The following AFAP1L1 variants were observed in gnomAD, a reference collection of about 807,000 sequenced individuals.
AFAP1L1 encodes actin filament-associated protein 1-like 1.
In AFAP1L1, 77 loss-of-function variants were observed where a neutral mutation model predicts 99.8. That is an observed-to-expected ratio of 0.77 (90% CI 0.64 to 0.93). The LOEUF (loss-of-function observed/expected upper bound fraction) is 0.93, where lower values mean the gene tolerates loss of function less well. Among genes scored for constraint, AFAP1L1 ranks in the 40% least tolerant of loss-of-function variants. AFAP1L1 has a pLI of 0.00. For missense variants in AFAP1L1, 893 were observed against 996.8 expected (o/e 0.90, Z 1.40); for synonymous variants, 373 against 395.3 (o/e 0.94, Z 0.67).
intron 5 of AFAP1L1, 66 bp from the exon 6 acceptor site, chr5:149,306,240 C>G: frequency 2.1e-6 from 3 of 1,406,810 alleles, no homozygotes; most frequent in Non-Finnish European, 2.9e-6. Flanking sequence ...CAGGGTCTCC[C>G]CCAGTCCTGG....
At chr5:149,319,555 A>G in intron 12 of AFAP1L1, 27 bp from the exon 13 acceptor site, 2 of 1,571,916 alleles carry the variant, frequency 1.3e-6, no homozygotes, top group African/African-American at 2.7e-5. Flanking sequence ...AGGAAAATGA[A>G]CTCCATCTTT....
At position 149,340,427 on chromosome 5, in the gene AFAP1L1, T is replaced by G. The variant is rs1757529338; in HGVS notation, c.*397T>G. On this transcript the variant is annotated 3_prime_UTR_variant, in exon 19 of 19. Transcript: ENST00000296721. ...TCCTTAAGGCAAAGGGAGGCAGTGCTGAAGCATTGGTGGTGCAGTGTAAAG... is the reference window on the plus strand; with the variant it reads ...TCCTTAAGGCAAAGGGAGGCAGTGCGGAAGCATTGGTGGTGCAGTGTAAAG... The G allele has an allele frequency of 5.3e-6, 1 of 189,706 alleles. No individual in the cohort carries two copies. Among genetic ancestry groups the G allele is most frequent in the Non-Finnish European group, 1.1e-5 (1 of 89,398 alleles). The allele number at this position is 189,706 out of a possible 1,614,324, so 11.8% of individuals were successfully genotyped here. A position where few individuals can be genotyped will look rare whatever the true frequency, so the allele number is the denominator to read the frequency against.
intron 5 of AFAP1L1, among the ~76,000 whole-genome samples, chr5:149,305,931 A>G (rs1756396413): frequency 1.3e-5 from 2 of 148,762 alleles, no homozygotes; most frequent in African/African-American, 5.1e-5. Flanking sequence ...CCATGCACAC[A>G]TGCAATGCTC....
chr5:149,318,426 G>A (rs1756859428), intron 12 of AFAP1L1, among the ~76,000 whole-genome samples: 1 of 152,152 alleles, frequency 6.6e-6, no homozygotes, highest in East Asian at 1.9e-4. Flanking sequence ...TGGAGGAGAA[G>A]GTCCACTGCC....
Position 149,310,121 on chromosome 5 carries a change from G to A in AFAP1L1, c.913G>A (p.Glu305Lys), listed in dbSNP as rs567317757. Residue 305 changes from glutamate (E) to lysine (K), a missense_variant, in exon 8 of 19, where the codon GAG becomes AAG. Glu to Lys is a moderately conservative substitution (Grantham distance 56). Coordinates refer to ENST00000296721, the MANE Select transcript of AFAP1L1 (RefSeq NM_152406.4). ...GGCACTGCAGAGCCGAGAGCAGGCC[G>A]AGGAGTGGCTGAAGGTGCGTGGCCT... ...VLALQSREQA[E>K]EWLKVIREVS... 20 of 1,603,428 alleles carry A rather than the reference G, an allele frequency of 1.2e-5. No homozygotes were observed. The highest frequency in any genetic ancestry group is 1.0e-4 in the Admixed American group (6 of 59,246).
At chr5:149,286,360 G>A (rs918626556) in intron 1 of AFAP1L1, among the ~76,000 whole-genome samples, 1 of 152,154 alleles carries the variant, frequency 6.6e-6, no homozygotes, top group Non-Finnish European at 1.5e-5. Context: ...AGATTATGCA[G>A]AGGAAATGCC....
intron 1 of AFAP1L1, among the ~76,000 whole-genome samples, chr5:149,291,220 A>G (rs1322820730): frequency 2.6e-5 from 4 of 152,072 alleles, no homozygotes; most frequent in African/African-American, 9.7e-5. Context: ...GAGCGTGAGG[A>G]CAGCCTGGAA....
In AFAP1L1 at chr5:149,335,678, T is replaced by C. The variant is rs1174076021; in HGVS notation, c.2239T>C (p.Ser747Pro). The C allele has an allele frequency of 3.7e-6, 6 of 1,613,712 alleles. No homozygotes were observed. The highest frequency in any genetic ancestry group is 2.7e-5 in the African/African-American group (2 of 74,884). ...TTCTGAGCTGAGGAAGAGGAGCCCA[T>C]CCATCGTAGCCTCCAACCAAGGAAG... Reference protein sequence around the residue: ...CVSELRKRSPSIVASNQGRVL... With the variant: ...CVSELRKRSPPIVASNQGRVL... Residue 747 changes from serine (S) to proline (P), a missense_variant, in exon 18 of 19, where the codon TCC (serine) becomes CCC (proline). Coordinates refer to ENST00000296721, the MANE Select transcript of AFAP1L1 (RefSeq NM_152406.4).
chr5:149,307,818 T>TCTCTCTCTCTCTCTCTCTCTCTCTC (rs1756473058), intron 7 of AFAP1L1, among the ~76,000 whole-genome samples: 14 of 100,496 alleles, frequency 1.4e-4, no homozygotes, highest in Admixed American at 5.0e-4. Flanking sequence ...GTGCCTCTCT[T>TCTCTCTCTCTCTCTCTCTCTCTCTC]TCTCTCTCTC....
At chr5:149,298,372 C>T (rs1318328213) in intron 1 of AFAP1L1, among the ~76,000 whole-genome samples, 1 of 152,152 alleles carries the variant, frequency 6.6e-6, no homozygotes, top group African/African-American at 2.4e-5. Context: ...AAAGAAAATA[C>T]TGTGAGTCAA....
Position 149,272,836 on chromosome 5 carries a change from G to C in AFAP1L1, c.16+852G>C, listed in dbSNP as rs192316642. ...TCCTACCTCAGCCTCCCGAATAGCTGGGATTAGAGGCATGCGCCACCACAC... is the reference window on the plus strand; with the variant it reads ...TCCTACCTCAGCCTCCCGAATAGCTCGGATTAGAGGCATGCGCCACCACAC... On this transcript the variant is annotated intron_variant, in intron 1 of 18. Coordinates refer to ENST00000296721, the MANE Select transcript of AFAP1L1 (RefSeq NM_152406.4). Among the ~76,000 whole-genome samples the C allele has an allele frequency of 8.2e-4, 125 of 152,248 alleles. 1 individual carries two copies. The highest frequency in any genetic ancestry group is 2.9e-3 in the African/African-American group (122 of 41,524).
chr5:149,285,713 T>C (rs1416954857), intron 1 of AFAP1L1, among the ~76,000 whole-genome samples: 2 of 152,170 alleles, frequency 1.3e-5, no homozygotes, highest in Non-Finnish European at 1.5e-5. Context: ...AAACCTAATA[T>C]TGTGGTCTTG....
At chr5:149,316,104 G>A (rs1458719108) in intron 10 of AFAP1L1, 47 bp from the exon 11 acceptor site, 1 of 1,598,104 alleles carries the variant, frequency 6.3e-7, no homozygotes, top group Non-Finnish European at 8.6e-7. Context: ...CTAAGGATGG[G>A]TGGGACTCAG....
In AFAP1L1 at chr5:149,282,439, C is replaced by T. The variant is rs111266568; in HGVS notation, c.16+10455C>T. 8.8e-3 allele frequency among the ~76,000 whole-genome samples: 1,341 copies of T among 152,238 alleles called. 26 individuals are homozygous for T. Among genetic ancestry groups the T allele is most frequent in the African/African-American group, 0.031 (1,282 of 41,540 alleles). On this transcript the variant is annotated intron_variant, in intron 1 of 18. Transcript: ENST00000296721. ...TAGTGTGGTGGAAGCAATTCACTGC[C>T]GGGAGATAAGGATCCTAACCAAGTT...
At chr5:149,301,738 G>A (rs1756222613) in intron 4 of AFAP1L1, among the ~76,000 whole-genome samples, 1 of 152,164 alleles carries the variant, frequency 6.6e-6, no homozygotes, top group Non-Finnish European at 1.5e-5. Context: ...CAACCTTGGG[G>A]CCATGGAATT....
chr5:149,284,150 C>T (rs988258052), intron 1 of AFAP1L1, among the ~76,000 whole-genome samples: 1 of 152,214 alleles, frequency 6.6e-6, no homozygotes, highest in Non-Finnish European at 1.5e-5. Flanking sequence ...GCCGAGAGCC[C>T]AAAAGAGCAG....
At chr5:149,294,584 G>T (rs1427736004) in intron 1 of AFAP1L1, among the ~76,000 whole-genome samples, 2 of 152,166 alleles carry the variant, frequency 1.3e-5, no homozygotes, top group Non-Finnish European at 2.9e-5. Context: ...GTTAATTCAG[G>T]TATTTGCTTT....
chr5:149,278,361 C>G (rs1755406615), intron 1 of AFAP1L1, among the ~76,000 whole-genome samples: 1 of 152,186 alleles, frequency 6.6e-6, no homozygotes, highest in Non-Finnish European at 1.5e-5. Context: ...TCACAAATGG[C>G]TTCCACTTCC....
At chr5:149,296,995 C>G (rs970588539) in intron 1 of AFAP1L1, among the ~76,000 whole-genome samples, 1 of 152,136 alleles carries the variant, frequency 6.6e-6, no homozygotes, top group South Asian at 2.1e-4. Context: ...GGGTAACCAC[C>G]TCCATGATTC....
Sources: gnomAD v4.1 joint callset for allele counts (sites outside exome capture counted in the v4.1 genomes callset) on GRCh38, gnomAD v4.1.1 for gene constraint, MANE v1.5 for transcripts, NCBI Gene and HGNC (gene_info 2026-07-23, HGNC 2026-07-21) for gene names.